PDE5A: variants seen among roughly 807,000 people sequenced by gnomAD.
The protein encoded by PDE5A is cGMP-specific 3',5'-cyclic phosphodiesterase.
A neutral mutation model predicts 110.2 loss-of-function variants in PDE5A; 67 were observed. The observed-to-expected ratio is 0.61, with a 90% CI of 0.50 to 0.75. PDE5A has a LOEUF of 0.75. Among genes scored for constraint, PDE5A ranks in the 30% least tolerant of loss-of-function variants. PDE5A has a pLI of 0.00. For synonymous variants in PDE5A, 328 were observed against 351.2 expected (o/e 0.93, Z 0.74); for missense variants, 862 against 1,045.1 (o/e 0.82, Z 2.42).
intron 11 of PDE5A, among the ~76,000 whole-genome samples, chr4:119,538,425 A>G (rs1238501449): frequency 6.6e-6 from 1 of 152,150 alleles, no homozygotes; most frequent in Non-Finnish European, 1.5e-5. Flanking sequence ...ATCTCAACCA[A>G]GCCATTCCAA....
chr4:119,609,194 T>C (rs554422791), intron 1 of PDE5A, among the ~76,000 whole-genome samples: 1 of 152,150 alleles, frequency 6.6e-6, no homozygotes, highest in Non-Finnish European at 1.5e-5. Context: ...AGGCAATATC[T>C]AACAAATTTT....
At chr4:119,521,543 A>G (rs890337738) in intron 12 of PDE5A, among the ~76,000 whole-genome samples, 1 of 152,038 alleles carries the variant, frequency 6.6e-6, no homozygotes, top group Non-Finnish European at 1.5e-5. Flanking sequence ...GAAGGTATTT[A>G]GTGCAAGGCC....
chr4:119,618,770 C>T (rs1380867128), intron 1 of PDE5A, among the ~76,000 whole-genome samples: 1 of 151,964 alleles, frequency 6.6e-6, no homozygotes, highest in Non-Finnish European at 1.5e-5. Flanking sequence ...TAAACTGGAG[C>T]ACAGTTTTAA....
At chr4:119,523,258 G>T (rs1286631068) in intron 12 of PDE5A, among the ~76,000 whole-genome samples, 5 of 152,014 alleles carry the variant, frequency 3.3e-5, no homozygotes, top group African/African-American at 4.8e-5. Flanking sequence ...AGCACATGCA[G>T]ATTGGCTTGA....
At chr4:119,529,656 G>A (rs1014209411) in intron 11 of PDE5A, among the ~76,000 whole-genome samples, 1 of 152,136 alleles carries the variant, frequency 6.6e-6, no homozygotes, top group East Asian at 1.9e-4. Flanking sequence ...CAGCAATTTT[G>A]TTCTAGGACT....
intron 15 of PDE5A, among the ~76,000 whole-genome samples, chr4:119,510,288 T>C (rs1725691990): frequency 1.3e-5 from 2 of 152,116 alleles, no homozygotes; most frequent in African/African-American, 4.8e-5. Flanking sequence ...TGAATTTTTT[T>C]CCAGGGCTCA....
intron 1 of PDE5A, among the ~76,000 whole-genome samples, chr4:119,618,896 C>T (rs1419218307): frequency 6.6e-6 from 1 of 152,098 alleles, no homozygotes; most frequent in Non-Finnish European, 1.5e-5. Flanking sequence ...TAGGGTGATA[C>T]CAATCCTTGG....
intron 3 of PDE5A, among the ~76,000 whole-genome samples, chr4:119,578,042 AACAG>A (rs1420721260): frequency 6.6e-6 from 1 of 152,192 alleles, no homozygotes; most frequent in African/African-American, 2.4e-5. Context: ...ATACACCAAT[AACAG>A]ACAAACAGAG....
chr4:119,549,609 T>C (rs906165280), intron 9 of PDE5A: 1 of 152,200 alleles, frequency 6.6e-6, no homozygotes, highest in East Asian at 1.9e-4. Context: ...GACTAGTTTC[T>C]GCAAAATTTA....
intron 3 of PDE5A, among the ~76,000 whole-genome samples, chr4:119,583,949 T>C (rs1728672613): frequency 6.6e-6 from 1 of 152,196 alleles, no homozygotes; most frequent in South Asian, 2.1e-4. Flanking sequence ...TGTATGCTGA[T>C]GAGCAGATTT....
At chr4:119,537,229 C>T (rs988663503) in intron 11 of PDE5A, among the ~76,000 whole-genome samples, 1 of 152,114 alleles carries the variant, frequency 6.6e-6, no homozygotes. Context: ...TCACATGATT[C>T]GGGCAACATC....
intron 3 of PDE5A, among the ~76,000 whole-genome samples, chr4:119,579,323 G>C (rs1397464681): frequency 6.6e-6 from 1 of 152,128 alleles, no homozygotes; most frequent in Non-Finnish European, 1.5e-5. Context: ...ATTTGACCCA[G>C]CAATCCCATT....
intron 5 of PDE5A, among the ~76,000 whole-genome samples, chr4:119,564,092 A>G (rs941896063): frequency 4.6e-5 from 7 of 151,844 alleles, no homozygotes; most frequent in Non-Finnish European, 1.0e-4. Context: ...AAAAGCTTAT[A>G]GACACATAGA....
intron 15 of PDE5A, among the ~76,000 whole-genome samples, chr4:119,509,353 T>A (rs1725663487): frequency 6.6e-6 from 1 of 152,052 alleles, no homozygotes; most frequent in Non-Finnish European, 1.5e-5. Flanking sequence ...GGCCCTGCAA[T>A]AATGCATATA....
At chr4:119,601,178 G>T (rs1469664887) in intron 2 of PDE5A, among the ~76,000 whole-genome samples, 1 of 152,130 alleles carries the variant, frequency 6.6e-6, no homozygotes, top group Admixed American at 6.5e-5. Flanking sequence ...AAGGCTTCAG[G>T]ATTAGGGGTG....
intron 11 of PDE5A, among the ~76,000 whole-genome samples, chr4:119,532,807 G>GT: frequency 6.6e-6 from 1 of 152,064 alleles, no homozygotes; most frequent in Admixed American, 6.6e-5. Flanking sequence ...ATAAAGACAT[G>GT]TGGCTACATG....
chr4:119,534,824 CT>C (rs1340228674), intron 11 of PDE5A, among the ~76,000 whole-genome samples: 6 of 152,294 alleles, frequency 3.9e-5, no homozygotes, highest in Admixed American at 1.3e-4. Flanking sequence ...CCGCCCCTTA[CT>C]GCTGTCACCT....
chr4:119,610,841 G>T (rs763423530), intron 1 of PDE5A, among the ~76,000 whole-genome samples: 6 of 152,056 alleles, frequency 3.9e-5, no homozygotes, highest in African/African-American at 1.4e-4. Context: ...CTCTCAGTTG[G>T]ATTGTTGCCA....
At chr4:119,528,516 T>C (rs1726408450) in intron 11 of PDE5A, among the ~76,000 whole-genome samples, 1 of 152,220 alleles carries the variant, frequency 6.6e-6, no homozygotes, top group South Asian at 2.1e-4. Flanking sequence ...CATGAGATGA[T>C]GATCAGAAAC....
Sources: allele counts gnomAD v4.1 joint callset (sites outside exome capture counted in the v4.1 genomes callset), GRCh38; gene constraint gnomAD v4.1.1; transcripts MANE v1.5; gene names NCBI Gene and HGNC (gene_info 2026-07-23, HGNC 2026-07-21).